The following PLXDC2 variants were observed in gnomAD, a reference collection of about 807,000 sequenced individuals.
PLXDC2 encodes plexin domain-containing protein 2.
PLXDC2 carries 40 observed loss-of-function variants against 68.9 expected under a neutral mutation model. That is an observed-to-expected ratio of 0.58 (90% confidence interval 0.45 to 0.76). PLXDC2 has a LOEUF of 0.76. Ranked by LOEUF, PLXDC2 falls within the 30% of genes least tolerant of loss-of-function variation. The pLI is 0.00. For missense variants in PLXDC2, 644 were observed against 661.9 expected (o/e 0.97, Z 0.30); for synonymous variants, 243 against 234.2 (o/e 1.04, Z -0.34).
At chr10:19,940,242 A>G (rs1294601296) in intron 1 of PLXDC2, among the ~76,000 whole-genome samples, 1 of 152,114 alleles carries the variant, frequency 6.6e-6, no homozygotes, top group African/African-American at 2.4e-5. Context: ...GAACATAGTC[A>G]TGTGATTTGT....
In PLXDC2 at chr10:19,978,612, A is replaced by G. The variant is rs11011713; in HGVS notation, c.113-23163A>G. ...ATGGCCAGCAGAATTCAGTGTTACT[A>G]ATGGTTGTTAGAGTTTCAGAAATAT... On this transcript the variant is annotated intron_variant, in intron 1 of 13. Coordinates refer to ENST00000377252, the MANE Select transcript of PLXDC2 (RefSeq NM_032812.9). Among the ~76,000 whole-genome samples, 7 of 152,300 alleles carry G rather than the reference A, an allele frequency of 4.6e-5. No individual in the cohort carries two copies. In the East Asian group the frequency reaches 1.2e-3, roughly 25 times the overall value.
At chr10:20,269,772 C>A (rs138178167) in intron 13 of PLXDC2, among the ~76,000 whole-genome samples, 6,227 of 152,200 alleles carry the variant, frequency 0.041, 207 homozygotes, top group Middle Eastern at 0.071. Flanking sequence ...GATCCCAACA[C>A]TTTGGGAGGC....
chr10:19,934,911 A>G (rs1833697799), intron 1 of PLXDC2, among the ~76,000 whole-genome samples: 1 of 152,186 alleles, frequency 6.6e-6, no homozygotes, highest in African/African-American at 2.4e-5. Context: ...AAAATATTCA[A>G]AGAAATATCT....
At chr10:19,987,927 A>G (rs963306835) in intron 1 of PLXDC2, among the ~76,000 whole-genome samples, 5 of 152,136 alleles carry the variant, frequency 3.3e-5, no homozygotes, top group Non-Finnish European at 7.4e-5. Flanking sequence ...AAAGTTCATA[A>G]TCTAACTTAC....
At chr10:19,819,995 A>G (rs1836432706) in intron 1 of PLXDC2, among the ~76,000 whole-genome samples, 1 of 152,222 alleles carries the variant, frequency 6.6e-6, no homozygotes, top group African/African-American at 2.4e-5. Context: ...CAATGACTTG[A>G]GGCTACCTGC....
At chr10:19,956,969 G>C (rs1195872828) in intron 1 of PLXDC2, among the ~76,000 whole-genome samples, 1 of 152,088 alleles carries the variant, frequency 6.6e-6, no homozygotes, top group Non-Finnish European at 1.5e-5. Context: ...AATTATAAAA[G>C]GGCAGTTTTA....
intron 1 of PLXDC2, among the ~76,000 whole-genome samples, chr10:19,831,197 T>A (rs540296211): frequency 1.3e-5 from 2 of 152,282 alleles, no homozygotes; most frequent in Non-Finnish European, 2.9e-5. Flanking sequence ...GCTGTGACTG[T>A]GATATATTCT....
At chr10:20,000,615 AG>A (rs1354032283) in intron 1 of PLXDC2, among the ~76,000 whole-genome samples, 1 of 152,138 alleles carries the variant, frequency 6.6e-6, no homozygotes, top group Non-Finnish European at 1.5e-5. Flanking sequence ...AAGAATTACT[AG>A]CACCTTTCTG....
chr10:20,168,043 A>G (rs1003929067), intron 7 of PLXDC2, among the ~76,000 whole-genome samples: 1 of 152,146 alleles, frequency 6.6e-6, no homozygotes, highest in Non-Finnish European at 1.5e-5. Flanking sequence ...AGGTGATCTG[A>G]TAGTTTCAAT....
chr10:20,181,887 C>G (rs1007027883), intron 9 of PLXDC2, among the ~76,000 whole-genome samples: 1 of 151,880 alleles, frequency 6.6e-6, no homozygotes, highest in Non-Finnish European at 1.5e-5. Flanking sequence ...TCATGGAGAA[C>G]AGAGTTTTTG....
At chr10:19,836,459 G>C (rs896684971) in intron 1 of PLXDC2, among the ~76,000 whole-genome samples, 1 of 152,096 alleles carries the variant, frequency 6.6e-6, no homozygotes, top group Non-Finnish European at 1.5e-5. Flanking sequence ...CAAGAATATT[G>C]CTGTGACACC....
At chr10:20,213,544 C>T (rs772047106) in intron 10 of PLXDC2, among the ~76,000 whole-genome samples, 4 of 152,006 alleles carry the variant, frequency 2.6e-5, no homozygotes, top group East Asian at 1.9e-4. Context: ...CTCACCTTGT[C>T]GAGATCTGTA....
At chr10:20,265,929 G>A (rs1237588210) in intron 13 of PLXDC2, among the ~76,000 whole-genome samples, 2 of 152,118 alleles carry the variant, frequency 1.3e-5, no homozygotes, top group Non-Finnish European at 2.9e-5. Flanking sequence ...GGGATATACG[G>A]TCCCCGGAGA....
At chr10:20,043,604 T>C (rs1019216571) in intron 2 of PLXDC2, among the ~76,000 whole-genome samples, 1 of 152,076 alleles carries the variant, frequency 6.6e-6, no homozygotes, top group African/African-American at 2.4e-5. Context: ...TTTGTAATAT[T>C]CCCTATTTAT....
chr10:19,893,127 C>T (rs1837996181), intron 1 of PLXDC2, among the ~76,000 whole-genome samples: 1 of 152,022 alleles, frequency 6.6e-6, no homozygotes, highest in Non-Finnish European at 1.5e-5. Context: ...CTTATGCACG[C>T]TATGGTTGGG....
chr10:20,210,848 G>A (rs1194332130), intron 9 of PLXDC2, among the ~76,000 whole-genome samples: 1 of 152,096 alleles, frequency 6.6e-6, no homozygotes, highest in Non-Finnish European at 1.5e-5. Flanking sequence ...AACAAGTACT[G>A]CTAATCAAGG....
intron 12 of PLXDC2, among the ~76,000 whole-genome samples, chr10:20,223,233 G>A (rs945302588): frequency 6.6e-6 from 1 of 152,000 alleles, no homozygotes; most frequent in African/African-American, 2.4e-5. Flanking sequence ...GCAGAGCTGG[G>A]ATGTGAATCT....
intron 2 of PLXDC2, among the ~76,000 whole-genome samples, chr10:20,038,180 G>A (rs191466589): frequency 5.3e-5 from 8 of 151,918 alleles, no homozygotes. Flanking sequence ...AGGTTGCAGT[G>A]AGCTGAGATC....
Position 20,289,563 on chromosome 10 carries a change from T to G in PLXDC2, c.*9744T>G, listed in dbSNP as rs370058241. 2.0e-5 allele frequency: 3 copies of G among 152,238 alleles called. No individual in the cohort carries two copies. The highest frequency in any genetic ancestry group is 3.9e-4 in the East Asian group (2 of 5,190). 9.4% of individuals were successfully genotyped at this position (152,238 alleles called of 1,614,324 possible). A position where few individuals can be genotyped will look rare whatever the true frequency, so the allele number is the denominator to read the frequency against. On this transcript the variant is annotated 3_prime_UTR_variant, in exon 14 of 14. Transcript: ENST00000377252. Reference sequence around the variant, plus strand: ...GGATGTGTGCCTCAGGTAATTTATGTGGAATGTGTAAAGCAAGATGTCTCC... The same window carrying G: ...GGATGTGTGCCTCAGGTAATTTATGGGGAATGTGTAAAGCAAGATGTCTCC...
Sources: gnomAD v4.1 joint callset for allele counts (sites outside exome capture counted in the v4.1 genomes callset) on GRCh38, gnomAD v4.1.1 for gene constraint, MANE v1.5 for transcripts, NCBI Gene and HGNC (gene_info 2026-07-23, HGNC 2026-07-21) for gene names.